NT5DC3: variants seen among roughly 807,000 people sequenced by gnomAD.
NT5DC3 encodes the protein 5'-nucleotidase domain containing 3.
Under a neutral mutation model 67.8 loss-of-function variants are expected in NT5DC3, and 42 were observed. The observed-to-expected ratio is 0.62, with a 90% confidence interval of 0.48 to 0.80. The LOEUF (loss-of-function observed/expected upper bound fraction) is 0.80. Among genes scored for constraint, NT5DC3 ranks in the 30% least tolerant of loss-of-function variants. NT5DC3 has a pLI of 0.00. For missense variants in NT5DC3, 570 were observed against 696.4 expected (o/e 0.82, Z 2.04); for synonymous variants, 237 against 255.6 (o/e 0.93, Z 0.69).
chr12:103,840,158 G>A (rs1216315156), intron 1 of NT5DC3, among the ~76,000 whole-genome samples: 1 of 152,174 alleles, frequency 6.6e-6, no homozygotes, highest in South Asian at 2.1e-4. Context: ...TGGGGATGTG[G>A]AACCTCCTTC....
chr12:103,811,052 C>A (rs11111795), intron 2 of NT5DC3, among the ~76,000 whole-genome samples: 43,652 of 152,048 alleles, frequency 0.29, 6,826 homozygotes, highest in East Asian at 0.59. Flanking sequence ...CAACTCTCTC[C>A]CTTACCTGCA....
intron 1 of NT5DC3, among the ~76,000 whole-genome samples, chr12:103,837,870 G>A (rs2139494687): frequency 6.6e-6 from 1 of 152,264 alleles, no homozygotes; most frequent in South Asian, 2.1e-4. Flanking sequence ...CTGTTACCCA[G>A]CTCCAAAGTC....
At chr12:103,819,842 C>G (rs1006988680) in intron 1 of NT5DC3, 2 of 152,220 alleles carry the variant, frequency 1.3e-5, no homozygotes, top group Non-Finnish European at 2.9e-5. Flanking sequence ...TGGTATTAAG[C>G]ACATTCACCT....
At chr12:103,807,319 C>A (rs1320045586) in intron 2 of NT5DC3, among the ~76,000 whole-genome samples, 2 of 152,206 alleles carry the variant, frequency 1.3e-5, no homozygotes, top group Non-Finnish European at 2.9e-5. Flanking sequence ...AAGGCTGCTG[C>A]AGATAAAAGG....
chr12:103,746,507 C>T, the NT5DC3 span: 9 of 1,203,000 alleles, frequency 7.5e-6, no homozygotes, highest in Admixed American at 6.8e-5. Flanking sequence ...ACACAGTGGT[C>T]GTCCAGAGAG....
chr12:103,784,217 T>C (rs1244092914), intron 12 of NT5DC3, among the ~76,000 whole-genome samples: 3 of 152,188 alleles, frequency 2.0e-5, no homozygotes, highest in Non-Finnish European at 4.4e-5. Context: ...TAACTCAGAA[T>C]TGACACTGTA....
At chr12:103,747,507 A>C in the NT5DC3 span, among the ~76,000 whole-genome samples, 88 of 152,278 alleles carry the variant, frequency 5.8e-4, no homozygotes, top group African/African-American at 2.0e-3. Flanking sequence ...CCTGGACAGC[A>C]AGATGGAAGG....
chr12:103,766,119 C>T, downstream of NT5DC3: 1 of 913,982 alleles, frequency 1.1e-6, no homozygotes, highest in Non-Finnish European at 1.8e-6. Context: ...TACCCCCAGC[C>T]CATCCTGCCT....
chr12:103,746,366 T>C, the NT5DC3 span: 7 of 395,508 alleles, frequency 1.8e-5, no homozygotes, highest in Non-Finnish European at 2.3e-5. Context: ...TTTTTTCTCA[T>C]ATAAATCTCA....
intron 1 of NT5DC3, among the ~76,000 whole-genome samples, chr12:103,837,752 C>G (rs1181074418): frequency 6.6e-6 from 1 of 152,238 alleles, no homozygotes; most frequent in Non-Finnish European, 1.5e-5. Context: ...TTGTTCATAT[C>G]ACTATCAGCA....
chr12:103,766,373 C>T, downstream of NT5DC3: 3 of 1,581,122 alleles, frequency 1.9e-6, no homozygotes, highest in Non-Finnish European at 2.6e-6. Context: ...CACTCACTGC[C>T]ACCTGGGCCA....
chr12:103,798,524 C>T (rs1014860769), intron 5 of NT5DC3, 63 bp downstream of exon 5: 4 of 1,161,374 alleles, frequency 3.4e-6, no homozygotes, highest in Non-Finnish European at 5.2e-6. Flanking sequence ...TAGGTAAGTT[C>T]GACAAGGCCA....
chr12:103,793,446 T>A lies in NT5DC3; in HGVS notation c.881A>T (p.Lys294Met). Reference protein sequence around the residue: ...VLAKLADHGKKMFLITNSPSS... With the variant: ...VLAKLADHGKMMFLITNSPSS... ...GGGGCTATTGGTGATGAGAAACATCTTCTTGCCATGATCAGCCAGTTTGGC... is the reference window on the plus strand; with the variant it reads ...GGGGCTATTGGTGATGAGAAACATCATCTTGCCATGATCAGCCAGTTTGGC... The change falls in exon 8 of 14, where the codon AAG becomes ATG. Residue 294 changes from lysine (K) to methionine (M), a missense_variant. Physicochemically the swap from Lys to Met is moderately conservative, Grantham distance 95. Coordinates refer to ENST00000392876, the MANE Select transcript of NT5DC3 (RefSeq NM_001031701.3). 1.2e-6 allele frequency: 2 copies of A among 1,614,228 alleles called. No individual in the cohort carries two copies. Among genetic ancestry groups the A allele is most frequent in the Non-Finnish European group, 1.7e-6 (2 of 1,180,032 alleles).
At chr12:103,819,897 T>G (rs1887421496) in intron 1 of NT5DC3, among the ~76,000 whole-genome samples, 1 of 152,192 alleles carries the variant, frequency 6.6e-6, no homozygotes, top group Non-Finnish European at 1.5e-5. Flanking sequence ...CTTTTCTTCT[T>G]GCAAAACTGA....
intron 12 of NT5DC3, among the ~76,000 whole-genome samples, chr12:103,783,793 A>AAC (rs1302117659): frequency 2.6e-5 from 1 of 39,092 alleles, no homozygotes; most frequent in East Asian, 2.6e-3. Flanking sequence ...AAATAAAACC[A>AAC]AAAAAAAAAA....
rs1197656340 is a variant in NT5DC3, at chr12:103,780,286, C to T, written c.1394+14G>A. 6.2e-7 allele frequency: 1 copy of T among 1,611,192 alleles called. No individual in the cohort carries two copies. Among genetic ancestry groups the T allele is most frequent in the Non-Finnish European group, 8.5e-7 (1 of 1,177,422 alleles). ...GGGTGGTGGACGCGCACATTCAATA[C>T]AGGCCTCTCTTACCGCATCTCCTTC... On this transcript the variant is annotated intron_variant, in intron 13 of 13. Transcript: ENST00000392876.
the NT5DC3 span, among the ~76,000 whole-genome samples, chr12:103,753,748 C>T: frequency 6.6e-6 from 1 of 152,158 alleles, no homozygotes; most frequent in African/African-American, 2.4e-5. Flanking sequence ...CATTCAACTG[C>T]CAAGGCAGAA....
At chr12:103,838,646 T>C (rs1593449527) in intron 1 of NT5DC3, among the ~76,000 whole-genome samples, 1 of 152,362 alleles carries the variant, frequency 6.6e-6, no homozygotes, top group Non-Finnish European at 1.5e-5. Flanking sequence ...AACATCTTTA[T>C]TTGTAACAGC....
At chr12:103,751,592 G>A in the NT5DC3 span, among the ~76,000 whole-genome samples, 1 of 152,112 alleles carries the variant, frequency 6.6e-6, no homozygotes, top group Non-Finnish European at 1.5e-5. Context: ...AGATTTTATG[G>A]GCAGTTGCTA....
Sources: allele counts gnomAD v4.1 joint callset (sites outside exome capture counted in the v4.1 genomes callset), GRCh38; gene constraint gnomAD v4.1.1; transcripts MANE v1.5; gene names NCBI Gene and HGNC (gene_info 2026-07-23, HGNC 2026-07-21).